Variants in HDAC9 observed in about 807,000 individuals in gnomAD.
HDAC9 encodes the protein MEF-2 interacting transcription repressor (MITR) protein.
HDAC9 carries 41 observed loss-of-function variants against 139.4 expected under a neutral mutation model. The ratio of observed to expected loss-of-function variants is 0.29; its 90% CI spans 0.23 to 0.38. The LOEUF (loss-of-function observed/expected upper bound fraction) is 0.38. Among genes scored for constraint, HDAC9 ranks in the 10% least tolerant of loss-of-function variants. HDAC9 has a pLI of 1.00. For synonymous variants in HDAC9, 517 were observed against 476.2 expected, an observed-to-expected ratio of 1.09 and a Z score of -1.12; for missense variants, 1,147 against 1,297.0, an observed-to-expected ratio of 0.88 and a Z score of 1.78.
At chr7:18,113,506 G>A (rs538421211) in intron 1 of HDAC9, among the ~76,000 whole-genome samples, 3 of 152,282 alleles carry the variant, frequency 2.0e-5, no homozygotes, top group East Asian at 1.9e-4. Flanking sequence ...TATAATTTGA[G>A]GTTGACTAAA....
At chr7:18,547,404 C>G (rs1473823809) in intron 2 of HDAC9, among the ~76,000 whole-genome samples, 2 of 152,086 alleles carry the variant, frequency 1.3e-5, no homozygotes, top group Non-Finnish European at 1.5e-5. Flanking sequence ...CCCGGCTAAT[C>G]TTTTGTATTT....
chr7:18,574,857 A>G (rs1166992624), intron 2 of HDAC9, among the ~76,000 whole-genome samples: 1 of 152,222 alleles, frequency 6.6e-6, no homozygotes, highest in African/African-American at 2.4e-5. Context: ...AGGCACTTCC[A>G]AGCCTGTGGG....
intron 1 of HDAC9, among the ~76,000 whole-genome samples, chr7:18,150,932 A>G (rs1387011125): frequency 2.0e-5 from 3 of 152,224 alleles, no homozygotes; most frequent in Non-Finnish European, 4.4e-5. Context: ...AATAACTAGG[A>G]GCTGATATGA....
intron 2 of HDAC9, among the ~76,000 whole-genome samples, chr7:18,551,953 A>G (rs1023201154): frequency 1.3e-5 from 2 of 152,152 alleles, no homozygotes; most frequent in African/African-American, 2.4e-5. Context: ...TCTTATCTTT[A>G]TTATGATCAC....
intron 2 of HDAC9, among the ~76,000 whole-genome samples, chr7:18,231,529 A>G (rs1325556487): frequency 6.6e-6 from 1 of 152,222 alleles, no homozygotes; most frequent in East Asian, 1.9e-4. Context: ...GCCTTTCCTT[A>G]TCAGGAATAA....
At chr7:18,904,797 G>A (rs1463807144) in intron 22 of HDAC9, among the ~76,000 whole-genome samples, 3 of 151,844 alleles carry the variant, frequency 2.0e-5, no homozygotes, top group African/African-American at 7.3e-5. Flanking sequence ...GGATGGTCTC[G>A]ATCTCCTGAC....
chr7:18,572,708 A>G (rs1167030645), intron 2 of HDAC9, among the ~76,000 whole-genome samples: 1 of 152,186 alleles, frequency 6.6e-6, no homozygotes, highest in Non-Finnish European at 1.5e-5. Flanking sequence ...CTCAAATTAC[A>G]AAATAATATG....
intron 1 of HDAC9, chr7:18,162,220 A>T: frequency 1.1e-6 from 1 of 944,922 alleles, no homozygotes; most frequent in Non-Finnish European, 1.6e-6. Flanking sequence ...CATTTTTCTT[A>T]TGTTCTAGGT....
At chr7:18,732,944 CACACGTGTATGT>C (rs1786426890) in intron 13 of HDAC9, among the ~76,000 whole-genome samples, 1 of 74,312 alleles carries the variant, frequency 1.3e-5, no homozygotes, top group Non-Finnish European at 2.5e-5. Context: ...TATGTGTATA[CACACGTGTATGT>C]GTGTGTATGT....
chr7:18,404,977 A>C (rs888380619), intron 1 of HDAC9, among the ~76,000 whole-genome samples: 3 of 152,200 alleles, frequency 2.0e-5, no homozygotes, highest in Admixed American at 6.5e-5. Context: ...GTGCACTCAC[A>C]CACACCCTCG....
chr7:18,674,171 T>C (rs1222815420), intron 12 of HDAC9, among the ~76,000 whole-genome samples: 1 of 152,044 alleles, frequency 6.6e-6, no homozygotes, highest in African/African-American at 2.4e-5. Context: ...TTACTTCACC[T>C]TCAGCTTTGC....
intron 1 of HDAC9, among the ~76,000 whole-genome samples, chr7:18,473,432 A>G (rs546901891): frequency 6.6e-6 from 1 of 152,324 alleles, no homozygotes; most frequent in East Asian, 1.9e-4. Context: ...TCAGCTTTAC[A>G]AGTCTCTAGG....
intron 1 of HDAC9, among the ~76,000 whole-genome samples, chr7:18,488,869 G>C (rs1310847695): frequency 6.6e-6 from 1 of 151,944 alleles, no homozygotes; most frequent in Non-Finnish European, 1.5e-5. Flanking sequence ...TCACTGGTTG[G>C]TCTATGTTGT....
intron 2 of HDAC9, among the ~76,000 whole-genome samples, chr7:18,205,715 A>G (rs550494602): frequency 6.6e-6 from 1 of 152,036 alleles, no homozygotes; most frequent in Middle Eastern, 3.2e-3. Flanking sequence ...TCATCTTTTT[A>G]ATTTTCTAAT....
intron 8 of HDAC9, among the ~76,000 whole-genome samples, chr7:18,636,894 T>G (rs1050947505): frequency 6.6e-6 from 1 of 151,902 alleles, no homozygotes; most frequent in Non-Finnish European, 1.5e-5. Context: ...TTTCAAAAAA[T>G]TTTAGATTGT....
At position 18,636,622 on chromosome 7, in the gene HDAC9, C is replaced by CA. The variant is rs369560518; in HGVS notation, c.912+1881dup. Among the ~76,000 whole-genome samples, 262 of 152,224 alleles carry CA rather than the reference C, an allele frequency of 1.7e-3. 3 individuals carry two copies. The highest frequency in any genetic ancestry group is 5.7e-3 in the African/African-American group (239 of 41,570). ...TAAAGAATAGTAATTCTGGCCTCTA[C>CA]ATGGTCTTCAGGTCCCGCATCTATT... On this transcript the variant is annotated intron_variant, in intron 8 of 25. Transcript: ENST00000686413.
intron 1 of HDAC9, among the ~76,000 whole-genome samples, chr7:18,118,515 C>T (rs1382299772): frequency 1.3e-5 from 2 of 152,094 alleles, no homozygotes; most frequent in South Asian, 2.1e-4. Context: ...ATATAACTCC[C>T]TTATTTTCTA....
chr7:18,942,138 C>G (rs938951318), intron 23 of HDAC9, among the ~76,000 whole-genome samples: 1 of 151,766 alleles, frequency 6.6e-6, no homozygotes, highest in African/African-American at 2.4e-5. Flanking sequence ...TATTTTGTGC[C>G]CAAAAGTTTC....
chr7:18,247,630 G>A (rs1794642842), intron 2 of HDAC9, among the ~76,000 whole-genome samples: 1 of 152,148 alleles, frequency 6.6e-6, no homozygotes, highest in Admixed American at 6.5e-5. Context: ...CTTCTTCGGT[G>A]CCTCACCTTC....
Sources: allele counts gnomAD v4.1 joint callset (sites outside exome capture counted in the v4.1 genomes callset), GRCh38; gene constraint gnomAD v4.1.1; transcripts MANE v1.5; gene names NCBI Gene and HGNC (gene_info 2026-07-23, HGNC 2026-07-21).